Variants in CEP112 observed in about 807,000 individuals in gnomAD.
The protein encoded by CEP112 is centrosomal protein of 112 kDa.
CEP112 carries 127 observed loss-of-function variants against 153.0 expected under a neutral mutation model. The ratio of observed to expected loss-of-function variants is 0.83; its 90% confidence interval spans 0.72 to 0.96. The LOEUF is 0.96. Ranked by LOEUF, CEP112 falls within the 40% of genes least tolerant of loss-of-function variation. CEP112 has a pLI of 0.00. For synonymous variants in CEP112, 358 were observed against 374.4 expected (o/e 0.96, Z 0.51); for missense variants, 1,089 against 1,101.2 (o/e 0.99, Z 0.16).
At chr17:65,882,999 CAT>C (rs1345706735) in intron 20 of CEP112, among the ~76,000 whole-genome samples, 3 of 152,064 alleles carry the variant, frequency 2.0e-5, no homozygotes, top group African/African-American at 4.8e-5. Flanking sequence ...CAGCCACATG[CAT>C]ATGTTTGCTG....
intron 23 of CEP112, among the ~76,000 whole-genome samples, chr17:65,726,016 C>T (rs149073625): frequency 2.6e-5 from 4 of 152,184 alleles, no homozygotes; most frequent in East Asian, 1.9e-4. Flanking sequence ...GCACCCAGTA[C>T]TGTGGGTGTT....
chr17:65,664,827 G>A (rs2046608649), intron 24 of CEP112, among the ~76,000 whole-genome samples: 1 of 152,186 alleles, frequency 6.6e-6, no homozygotes, highest in Admixed American at 6.5e-5. Context: ...AAACACTGTG[G>A]ATTGGGTGGC....
At chr17:65,640,362 C>T (rs2045065608) in intron 25 of CEP112, among the ~76,000 whole-genome samples, 1 of 151,838 alleles carries the variant, frequency 6.6e-6, no homozygotes, top group African/African-American at 2.4e-5. Context: ...CCGTGTTGGC[C>T]AGGATGGTCT....
At chr17:65,888,041 C>A (rs1024563275) in intron 20 of CEP112, among the ~76,000 whole-genome samples, 1 of 152,080 alleles carries the variant, frequency 6.6e-6, no homozygotes, top group Non-Finnish European at 1.5e-5. Context: ...TCCAAAAACT[C>A]CCCCAGGGCA....
intron 17 of CEP112, among the ~76,000 whole-genome samples, chr17:65,994,681 T>C (rs2063718330): frequency 6.6e-6 from 1 of 152,148 alleles, no homozygotes; most frequent in Admixed American, 6.5e-5. Context: ...AAAATAGTTC[T>C]AGGAGAATAG....
intron 21 of CEP112, among the ~76,000 whole-genome samples, chr17:65,821,115 A>G (rs1010423313): frequency 9.8e-4 from 1 of 1,024 alleles, no homozygotes; most frequent in Non-Finnish European, 0.031. Context: ...TACATTCTGA[A>G]AAAAAAAAAC....
At chr17:65,848,551 C>G (rs2057808749) in intron 21 of CEP112, among the ~76,000 whole-genome samples, 1 of 152,140 alleles carries the variant, frequency 6.6e-6, no homozygotes, top group Non-Finnish European at 1.5e-5. Flanking sequence ...CTCTCTCCCT[C>G]CCTCCCTGCC....
chr17:65,908,998 CA>C (rs1399490586), intron 19 of CEP112, among the ~76,000 whole-genome samples: 1 of 152,138 alleles, frequency 6.6e-6, no homozygotes, highest in Non-Finnish European at 1.5e-5. Context: ...AACTGTTTTA[CA>C]GTGAAATTAG....
At chr17:65,916,362 T>C (rs2060491853) in intron 19 of CEP112, among the ~76,000 whole-genome samples, 1 of 151,734 alleles carries the variant, frequency 6.6e-6, no homozygotes, top group Non-Finnish European at 1.5e-5. Flanking sequence ...GTAAAGACTC[T>C]ATATTTTGTT....
At chr17:65,936,667 A>C (rs2061316162) in intron 18 of CEP112, among the ~76,000 whole-genome samples, 1 of 132,422 alleles carries the variant, frequency 7.6e-6, no homozygotes, top group Non-Finnish European at 1.6e-5. Flanking sequence ...GCATTAATAA[A>C]ATGAAGAATA....
intron 21 of CEP112, among the ~76,000 whole-genome samples, chr17:65,821,514 TTA>T (rs570389723): frequency 0.072 from 3,609 of 50,102 alleles, 273 homozygotes; most frequent in East Asian, 0.13. Context: ...ATATATATAA[TTA>T]TATATATATA....
chr17:66,114,382 T>C (rs1200422051), intron 6 of CEP112, among the ~76,000 whole-genome samples: 1 of 152,210 alleles, frequency 6.6e-6, no homozygotes, highest in Non-Finnish European at 1.5e-5. Context: ...AAGAACCTCT[T>C]ATAAACTAAT....
intron 20 of CEP112, among the ~76,000 whole-genome samples, chr17:65,883,821 G>A (rs2059175908): frequency 2.0e-5 from 3 of 152,180 alleles, no homozygotes; most frequent in Admixed American, 2.0e-4. Flanking sequence ...ATAGAGGCCT[G>A]GACTAGAGGA....
At position 66,135,313 on chromosome 17, in the gene CEP112, T is replaced by C. The variant is rs187871275; in HGVS notation, c.471-2550A>G. 5.3e-4 allele frequency among the ~76,000 whole-genome samples: 80 copies of C among 152,284 alleles called. 1 individual carries two copies. The highest frequency in any genetic ancestry group is 1.8e-3 in the African/African-American group (76 of 41,552). On this transcript the variant is annotated intron_variant, in intron 4 of 26. Coordinates refer to ENST00000535342, the MANE Select transcript of CEP112 (RefSeq NM_001199165.4). ...GGTACAGATGTTTCATTTTCTGCCA[T>C]AAGACTGTCTCCAGCTGGAAACAAC...
In CEP112 at chr17:66,176,860, G is replaced by T. The variant is rs139309264; in HGVS notation, c.267C>A (p.Pro89=). The T allele has an allele frequency of 1.2e-6, 2 of 1,611,142 alleles. No individual in the cohort carries two copies. The highest frequency in any genetic ancestry group is 2.7e-5 in the African/African-American group (2 of 74,572). ...ATGAAGGTAGAATTTTTAGTGTCCC[G>T]GGTTCAGGTCGGTGTGTAAAAGGGC... ...LEGPFTHRPE[P]GTLKILPSYM... The change falls in exon 3 of 27, where the codon CCC becomes CCA. Residue 89 remains proline (P), a synonymous_variant. Coordinates refer to ENST00000535342, the MANE Select transcript of CEP112 (RefSeq NM_001199165.4).
At chr17:65,642,183 G>A (rs891206797) in intron 24 of CEP112, among the ~76,000 whole-genome samples, 6 of 152,188 alleles carry the variant, frequency 3.9e-5, no homozygotes, top group African/African-American at 1.2e-4. Flanking sequence ...CACCTACTGT[G>A]AAATAGGATA....
At chr17:66,090,625 G>A (rs1008931456) in intron 8 of CEP112, among the ~76,000 whole-genome samples, 15 of 151,806 alleles carry the variant, frequency 9.9e-5, no homozygotes, top group Admixed American at 5.9e-4. Flanking sequence ...ATAACAAGAC[G>A]GAAAGGAACA....
At chr17:65,935,788 T>C (rs1465585863) in intron 18 of CEP112, among the ~76,000 whole-genome samples, 1 of 151,876 alleles carries the variant, frequency 6.6e-6, no homozygotes, top group Non-Finnish European at 1.5e-5. Flanking sequence ...TAATGGCATT[T>C]TTTTAAAAAA....
At chr17:65,699,491 C>T (rs955657484) in intron 23 of CEP112, among the ~76,000 whole-genome samples, 4 of 152,126 alleles carry the variant, frequency 2.6e-5, no homozygotes, top group African/African-American at 9.7e-5. Context: ...TCTATCAGTG[C>T]CCTTTTTTCA....
Sources: gnomAD v4.1 joint callset for allele counts (sites outside exome capture counted in the v4.1 genomes callset) on GRCh38, gnomAD v4.1.1 for gene constraint, MANE v1.5 for transcripts, NCBI Gene and HGNC (gene_info 2026-07-23, HGNC 2026-07-21) for gene names.